The following DRD3 variants were observed in gnomAD, a reference collection of about 807,000 sequenced individuals.
The protein encoded by DRD3 is D(3) dopamine receptor.
In DRD3, 19 loss-of-function variants were observed where a neutral mutation model predicts 36.3. The ratio of observed to expected loss-of-function variants is 0.52; its 90% CI spans 0.36 to 0.77. The LOEUF (loss-of-function observed/expected upper bound fraction) is 0.77, where lower values mean the gene tolerates loss of function less well. Among genes scored for constraint, DRD3 ranks in the 30% least tolerant of loss-of-function variants. DRD3 has a pLI of 0.00. For missense variants in DRD3, 465 were observed against 505.3 expected, an observed-to-expected ratio of 0.92 and a Z score of 0.77; for synonymous variants, 195 against 203.7, an observed-to-expected ratio of 0.96 and a Z score of 0.36.
chr3:114,172,056 A>T, intron 1 of DRD3, 29 bp from the exon 2 acceptor site: 1 of 1,356,934 alleles, frequency 7.4e-7, no homozygotes, highest in South Asian at 2.0e-5. Context: ...CAATATTAAT[A>T]AAATCAGACT....
chr3:114,131,099 C>T lies in DRD3; in HGVS notation c.1006+19G>A. On this transcript the variant is annotated intron_variant, in intron 6 of 6. Transcript: ENST00000383673. ...CAACCTAACCCAACCCAACACAGCT[C>T]AAGCCAACCCAAACTTACCAAGCAC... 1.9e-6 allele frequency: 3 copies of T among 1,608,970 alleles called. No individual in the cohort carries two copies. The South Asian group carries it at 3.3e-5, about 18-fold the overall frequency.
intron 1 of DRD3, among the ~76,000 whole-genome samples, chr3:114,186,594 C>A (rs560951310): frequency 6.6e-6 from 1 of 152,172 alleles, no homozygotes; most frequent in Non-Finnish European, 1.5e-5. Flanking sequence ...GTTCTTTTTG[C>A]CCACTCTGGC....
At chr3:114,198,442 T>A (rs2078048460) in intron 1 of DRD3, among the ~76,000 whole-genome samples, 1 of 152,170 alleles carries the variant, frequency 6.6e-6, no homozygotes, top group African/African-American at 2.4e-5. Context: ...CAGCCTGGTT[T>A]ATAATTTCAA....
intron 1 of DRD3, among the ~76,000 whole-genome samples, chr3:114,198,914 AAT>A (rs939637941): frequency 3.3e-5 from 5 of 152,246 alleles, no homozygotes; most frequent in African/African-American, 1.2e-4. Context: ...TAATTTTAAA[AAT>A]ATATATTTTT....
chr3:114,155,677 A>T (rs1430610909), intron 3 of DRD3, among the ~76,000 whole-genome samples: 1 of 151,972 alleles, frequency 6.6e-6, no homozygotes, highest in East Asian at 1.9e-4. Context: ...ACCCTTGCGC[A>T]GGGAACAACC....
chr3:114,160,540 G>C (rs1023745048), intron 2 of DRD3, among the ~76,000 whole-genome samples: 3 of 152,210 alleles, frequency 2.0e-5, no homozygotes, highest in African/African-American at 7.2e-5. Flanking sequence ...ATGCTCAGCT[G>C]GTGGTAAAAG....
chr3:114,156,806 CTTTTT>C (rs2077681554), intron 3 of DRD3, among the ~76,000 whole-genome samples: 1 of 98,126 alleles, frequency 1.0e-5, no homozygotes, highest in Admixed American at 1.2e-4. Flanking sequence ...TTTCTCTTTT[CTTTTT>C]CTTTCTTTTT....
Position 114,128,707 on chromosome 3 carries a change from T to C in DRD3, c.*9A>G. The C allele has an allele frequency of 3.2e-6, 5 of 1,583,520 alleles. No individual in the cohort carries two copies. Among genetic ancestry groups the C allele is most frequent in the Non-Finnish European group, 4.3e-6 (5 of 1,163,158 alleles). ...AATGGGTACAAAGAGTGTTCCCTCTTCTGCTCCCTCAGCAAGACAGGATCT... is the reference window on the plus strand; with the variant it reads ...AATGGGTACAAAGAGTGTTCCCTCTCCTGCTCCCTCAGCAAGACAGGATCT... On this transcript the variant is annotated 3_prime_UTR_variant, in exon 7 of 7. Coordinates refer to ENST00000383673, the MANE Select transcript of DRD3 (RefSeq NM_000796.6).
Position 114,128,687 on chromosome 3 carries a change from G to A in DRD3, c.*29C>T, listed in dbSNP as rs2077398462. Reference sequence around the variant, plus strand: ...CCAACAGCCTGGCAGCTAGAAATGGGTACAAAGAGTGTTCCCTCTTCTGCT... The same window carrying A: ...CCAACAGCCTGGCAGCTAGAAATGGATACAAAGAGTGTTCCCTCTTCTGCT... On this transcript the variant is annotated 3_prime_UTR_variant, in exon 7 of 7. Transcript: ENST00000383673. The A allele has an allele frequency of 6.4e-7, 1 of 1,558,054 alleles. No individual in the cohort carries two copies. Among genetic ancestry groups the A allele is most frequent in the African/African-American group, 1.4e-5 (1 of 73,788 alleles).
At chr3:114,170,940 T>C (rs2077834296) in intron 2 of DRD3, among the ~76,000 whole-genome samples, 1 of 152,210 alleles carries the variant, frequency 6.6e-6, no homozygotes, top group African/African-American at 2.4e-5. Flanking sequence ...TATCTGTTTC[T>C]TGAACAGATA....
chr3:114,172,860 G>T (rs137973470), intron 1 of DRD3, among the ~76,000 whole-genome samples: 3 of 152,082 alleles, frequency 2.0e-5, no homozygotes, highest in African/African-American at 7.2e-5. Flanking sequence ...AAGACATAAG[G>T]CCTGTGACTT....
chr3:114,160,414 A>G (rs546659601), intron 2 of DRD3, among the ~76,000 whole-genome samples: 1 of 152,094 alleles, frequency 6.6e-6, no homozygotes, highest in African/African-American at 2.4e-5. Flanking sequence ...GCTGGGCTAA[A>G]ATCTTCATTT....
chr3:114,184,558 C>A (rs1663990492), intron 1 of DRD3, among the ~76,000 whole-genome samples: 1 of 151,948 alleles, frequency 6.6e-6, no homozygotes, highest in African/African-American at 2.4e-5. Flanking sequence ...AATGTCCTTT[C>A]ATTTCACCTT....
intron 3 of DRD3, among the ~76,000 whole-genome samples, chr3:114,154,015 G>A (rs2077642333): frequency 6.6e-6 from 1 of 152,128 alleles, no homozygotes; most frequent in Admixed American, 6.5e-5. Context: ...GAAGACATAG[G>A]TGCCCCATCC....
intron 1 of DRD3, among the ~76,000 whole-genome samples, chr3:114,177,190 T>C (rs974837012): frequency 2.0e-4 from 31 of 152,220 alleles, no homozygotes; most frequent in African/African-American, 7.5e-4. Flanking sequence ...ACACTGCTCA[T>C]AGAGCCAGTG....
intron 3 of DRD3, 22 bp from the exon 4 acceptor site, chr3:114,147,579 G>A (rs1208340765): frequency 2.5e-6 from 4 of 1,600,256 alleles, no homozygotes; most frequent in Non-Finnish European, 3.4e-6. Flanking sequence ...AGGGGAGAGG[G>A]GATAGGCATG....
chr3:114,195,480 A>T (rs1333078806), intron 1 of DRD3, among the ~76,000 whole-genome samples: 1 of 152,222 alleles, frequency 6.6e-6, no homozygotes, highest in Non-Finnish European at 1.5e-5. Context: ...GTATAAAATT[A>T]TGAAAATATT....
intron 1 of DRD3, among the ~76,000 whole-genome samples, chr3:114,186,252 A>G (rs1281067869): frequency 4.6e-5 from 7 of 152,160 alleles, no homozygotes; most frequent in African/African-American, 9.7e-5. Flanking sequence ...CAGCTTCCCA[A>G]TCTCAGCTGG....
At chr3:114,160,577 A>G (rs2077723787) in intron 2 of DRD3, among the ~76,000 whole-genome samples, 1 of 152,194 alleles carries the variant, frequency 6.6e-6, no homozygotes, top group East Asian at 1.9e-4. Context: ...CGATGTGTAC[A>G]TTGTGCCAAA....
Sources: gnomAD v4.1 joint callset for allele counts (sites outside exome capture counted in the v4.1 genomes callset) on GRCh38, gnomAD v4.1.1 for gene constraint, MANE v1.5 for transcripts, NCBI Gene and HGNC (gene_info 2026-07-23, HGNC 2026-07-21) for gene names.